Variants in NUMB observed in about 807,000 individuals in gnomAD.
NUMB encodes the protein protein numb homolog.
A neutral mutation model predicts 59.7 loss-of-function variants in NUMB; 29 were observed. The observed-to-expected ratio is 0.49, with a 90% confidence interval of 0.36 to 0.66. The LOEUF is 0.66. NUMB is among the 30% of genes least tolerant of loss of function. NUMB has a pLI of 0.00. For missense variants in NUMB, 723 were observed against 822.0 expected, an observed-to-expected ratio of 0.88 and a Z score of 1.47; for synonymous variants, 288 against 288.2, an observed-to-expected ratio of 1.00 and a Z score of 0.01.
At chr14:73,367,296 T>TATACACAC (rs1406816784) in intron 2 of NUMB, among the ~76,000 whole-genome samples, 27 of 121,000 alleles carry the variant, frequency 2.2e-4, no homozygotes, top group African/African-American at 9.8e-4. Context: ...TATATATATA[T>TATACACAC]ACACACACAC....
intron 1 of NUMB, among the ~76,000 whole-genome samples, chr14:73,436,578 A>G (rs944533337): frequency 6.6e-6 from 1 of 152,056 alleles, no homozygotes; most frequent in Non-Finnish European, 1.5e-5. Context: ...TTGGGCTCCC[A>G]AAGTGTTGAG....
intron 1 of NUMB, among the ~76,000 whole-genome samples, chr14:73,415,264 G>C (rs968065597): frequency 1.3e-5 from 2 of 151,986 alleles, no homozygotes; most frequent in African/African-American, 2.4e-5. Context: ...AAAACACAGA[G>C]GAATAACAAT....
chr14:73,455,963 A>G (rs541103510), intron 1 of NUMB, among the ~76,000 whole-genome samples: 2 of 152,200 alleles, frequency 1.3e-5, no homozygotes, highest in African/African-American at 4.8e-5. Context: ...TCTGCCTCAG[A>G]TTCCCTTAAG....
At chr14:73,285,541 T>A (rs914576633) in intron 9 of NUMB, 1 of 152,192 alleles carries the variant, frequency 6.6e-6, no homozygotes, top group Admixed American at 6.5e-5. Flanking sequence ...AATAATTTCA[T>A]TTCAAATAAA....
intron 2 of NUMB, among the ~76,000 whole-genome samples, chr14:73,378,279 G>A (rs1210376298): frequency 6.6e-6 from 1 of 152,140 alleles, no homozygotes; most frequent in Non-Finnish European, 1.5e-5. Flanking sequence ...TCCAGCAACA[G>A]GAATCCCTCA....
At chr14:73,403,752 T>G (rs1208929406) in intron 2 of NUMB, among the ~76,000 whole-genome samples, 1 of 151,732 alleles carries the variant, frequency 6.6e-6, no homozygotes, top group Non-Finnish European at 1.5e-5. Flanking sequence ...GGCCAGGAGT[T>G]TGAGACCAAC....
chr14:73,280,686 A>ATTTTTTTTT (rs397852698), intron 11 of NUMB, among the ~76,000 whole-genome samples: 3 of 87,722 alleles, frequency 3.4e-5, no homozygotes, highest in African/African-American at 4.7e-5. Context: ...TGTTGGTACT[A>ATTTTTTTTT]TTTTTTTTTT....
chr14:73,417,605 C>A (rs74469245), intron 1 of NUMB, among the ~76,000 whole-genome samples: 8,815 of 149,560 alleles, frequency 0.059, 706 homozygotes, highest in African/African-American at 0.19. Context: ...TGTAAAAAAA[C>A]AAAATCAGTA....
intron 6 of NUMB, among the ~76,000 whole-genome samples, chr14:73,307,241 G>A (rs888324365): frequency 7.9e-5 from 12 of 151,812 alleles, no homozygotes; most frequent in Admixed American, 3.3e-4. Flanking sequence ...CCCGGGAGGC[G>A]GAGCTTGCAG....
At chr14:73,289,558 C>T (rs915095798) in intron 8 of NUMB, among the ~76,000 whole-genome samples, 1 of 152,142 alleles carries the variant, frequency 6.6e-6, no homozygotes, top group Non-Finnish European at 1.5e-5. Flanking sequence ...CTGAACAAGT[C>T]GTCTCACTGG....
chr14:73,449,931 G>A (rs1202305828), intron 1 of NUMB, among the ~76,000 whole-genome samples: 37 of 152,058 alleles, frequency 2.4e-4, no homozygotes, highest in South Asian at 4.1e-4. Context: ...CAGGTGATCC[G>A]CCCACTTTGG....
intron 2 of NUMB, among the ~76,000 whole-genome samples, chr14:73,387,718 G>T (rs1344087809): frequency 1.4e-5 from 2 of 141,036 alleles, no homozygotes; most frequent in African/African-American, 5.5e-5. Context: ...GGGCTACAGA[G>T]CAATACCCAA....
At chr14:73,298,714 C>T (rs1321596788) in intron 6 of NUMB, 2 of 152,288 alleles carry the variant, frequency 1.3e-5, no homozygotes, top group East Asian at 3.9e-4. Flanking sequence ...TTTAGAACTA[C>T]CATTCTCCTC....
At chr14:73,279,589 C>T (rs1192335160) in intron 11 of NUMB, among the ~76,000 whole-genome samples, 165 bp from the exon 12 acceptor site, 2 of 152,108 alleles carry the variant, frequency 1.3e-5, no homozygotes, top group African/African-American at 4.8e-5. Flanking sequence ...ATGTACATAC[C>T]ATTAGGCAAA....
chr14:73,307,327 T>C (rs1024904018), intron 6 of NUMB, among the ~76,000 whole-genome samples: 6 of 128,564 alleles, frequency 4.7e-5, no homozygotes, highest in Non-Finnish European at 8.3e-5. Context: ...AAAAAAAAAA[T>C]AGCTAGGAAT....
At chr14:73,445,354 CAAAAAAAAAAAAAAAAAAAAAAAAAA>C (rs752154048) in intron 1 of NUMB, among the ~76,000 whole-genome samples, 2 of 57,578 alleles carry the variant, frequency 3.5e-5, no homozygotes, top group South Asian at 7.3e-4. Flanking sequence ...GACCCTGTCT[CAAAAAAAAAAAAAAAAAAAAAAAAAA>C]AAAAAAAAAA....
In NUMB at chr14:73,352,517, TATATATATATA is replaced by T. The variant is rs1893433122; in HGVS notation, c.126+3098_126+3108del. On this transcript the variant is annotated intron_variant, in intron 4 of 12. Coordinates refer to ENST00000555238, the MANE Select transcript of NUMB (RefSeq NM_001005743.2). The stretch of plus-strand genomic sequence containing the variant: ...ATATATATATATATATATATATATA[TATATATATATA>T]TGTTTTTTTTTTTTTTTTTTTTTTG... 7.0e-4 allele frequency among the ~76,000 whole-genome samples: 17 copies of T among 24,356 alleles called. 1 individual carries two copies. The highest frequency in any genetic ancestry group is 9.8e-4 in the Non-Finnish European group (13 of 13,256). 16.0% of individuals were successfully genotyped at this position (24,356 alleles called of 152,430 possible). A position where few individuals can be genotyped will look rare whatever the true frequency, so the allele number is the denominator to read the frequency against.
chr14:73,419,702 C>G (rs1161688659), intron 1 of NUMB, among the ~76,000 whole-genome samples: 1 of 151,958 alleles, frequency 6.6e-6, no homozygotes, highest in African/African-American at 2.4e-5. Flanking sequence ...AAGTCCCACC[C>G]AAGAACAGAA....
intron 11 of NUMB, among the ~76,000 whole-genome samples, chr14:73,280,083 G>A (rs1354684620): frequency 6.6e-6 from 1 of 152,076 alleles, no homozygotes; most frequent in Non-Finnish European, 1.5e-5. Flanking sequence ...CTTGAACCCG[G>A]GAGGCGGAGG....
Sources: allele counts gnomAD v4.1 joint callset (sites outside exome capture counted in the v4.1 genomes callset), GRCh38; gene constraint gnomAD v4.1.1; transcripts MANE v1.5; gene names NCBI Gene and HGNC (gene_info 2026-07-23, HGNC 2026-07-21).